Variants in ADARB2 observed in about 807,000 individuals in gnomAD.
The protein encoded by ADARB2 is inactive double-stranded RNA-specific editase B2.
A neutral mutation model predicts 62.2 loss-of-function variants in ADARB2; 25 were observed. The observed-to-expected ratio is 0.40, with a 90% CI of 0.29 to 0.56. ADARB2 has a LOEUF of 0.56. Among genes scored for constraint, ADARB2 ranks in the 20% least tolerant of loss-of-function variants. ADARB2 has a pLI of 0.43. For missense variants in ADARB2, 1,071 were observed against 1,077.4 expected (o/e 0.99, Z 0.08); for synonymous variants, 572 against 500.8 (o/e 1.14, Z -1.90).
At chr10:1,407,622 G>C (rs1832718151) in intron 1 of ADARB2, among the ~76,000 whole-genome samples, 1 of 152,180 alleles carries the variant, frequency 6.6e-6, no homozygotes, top group South Asian at 2.1e-4. Flanking sequence ...CCTTCCTCGG[G>C]GCATAGTCCT....
chr10:1,444,313 T>C (rs116861097), intron 1 of ADARB2, among the ~76,000 whole-genome samples: 20,379 of 70,270 alleles, frequency 0.29, 2,039 homozygotes, highest in East Asian at 0.4. Flanking sequence ...ATCCATCCAC[T>C]CATTCATCCT....
At chr10:1,395,534 G>A (rs945961966) in intron 1 of ADARB2, among the ~76,000 whole-genome samples, 2 of 152,202 alleles carry the variant, frequency 1.3e-5, no homozygotes, top group Admixed American at 6.5e-5. Context: ...GTGATGGGCC[G>A]CCAGGCACTT....
At chr10:1,608,318 G>A (rs75319475) in intron 1 of ADARB2, among the ~76,000 whole-genome samples, 2,355 of 152,272 alleles carry the variant, frequency 0.015, 55 homozygotes, top group African/African-American at 0.054. Flanking sequence ...GAGACGCAGC[G>A]TGCCTGTGCT....
intron 1 of ADARB2, among the ~76,000 whole-genome samples, chr10:1,497,624 A>G (rs1419482149): frequency 6.6e-6 from 1 of 152,250 alleles, no homozygotes; most frequent in African/African-American, 2.4e-5. Context: ...CACAGGCACA[A>G]GCATCAGTTA....
intron 3 of ADARB2, among the ~76,000 whole-genome samples, chr10:1,359,070 C>A (rs1832224713): frequency 6.6e-6 from 1 of 152,150 alleles, no homozygotes. Flanking sequence ...GTGATTTTAT[C>A]ATTTTTTATG....
intron 1 of ADARB2, among the ~76,000 whole-genome samples, chr10:1,587,448 G>T (rs1588313252): frequency 6.6e-6 from 1 of 152,146 alleles, no homozygotes; most frequent in African/African-American, 2.4e-5. Context: ...CACTCCTTCA[G>T]CAGGGTGTAT....
intron 1 of ADARB2, among the ~76,000 whole-genome samples, chr10:1,710,883 A>G (rs1185261874): frequency 6.6e-6 from 1 of 151,714 alleles, no homozygotes; most frequent in Admixed American, 6.6e-5. Flanking sequence ...CAGCTTTGAT[A>G]CCTCCACAGA....
At chr10:1,673,622 G>C (rs545371691) in intron 1 of ADARB2, among the ~76,000 whole-genome samples, 1 of 152,338 alleles carries the variant, frequency 6.6e-6, no homozygotes, top group Non-Finnish European at 1.5e-5. Context: ...CAGGATGAGA[G>C]TGTGAAAAAT....
rs1000432609 is a variant in ADARB2 at position 1,678,881 on chromosome 10, C to T, written c.100+58170G>A. 6.6e-5 allele frequency among the ~76,000 whole-genome samples: 10 copies of T among 152,154 alleles called. No individual in the cohort carries two copies. In the East Asian group the frequency reaches 9.7e-4, roughly 15 times the overall value. ...TGCTGCCTGGGGTTGTCTTGCCCACCAGGTAAGACATGTCCTAGCACAGAG... is the reference window on the plus strand; with the variant it reads ...TGCTGCCTGGGGTTGTCTTGCCCACTAGGTAAGACATGTCCTAGCACAGAG... On this transcript the variant is annotated intron_variant, in intron 1 of 9. Coordinates refer to ENST00000381312, the MANE Select transcript of ADARB2 (RefSeq NM_018702.4).
chr10:1,314,933 C>A (rs12765310), intron 3 of ADARB2, among the ~76,000 whole-genome samples: 34,835 of 152,124 alleles, frequency 0.23, 4,854 homozygotes, highest in Middle Eastern at 0.37. Flanking sequence ...ATTTTATTAT[C>A]CTAATGGGAA....
intron 3 of ADARB2, among the ~76,000 whole-genome samples, chr10:1,332,882 T>TA (rs1306237189): frequency 1.3e-5 from 2 of 152,268 alleles, no homozygotes; most frequent in African/African-American, 4.8e-5. Flanking sequence ...GAAGCAGAGT[T>TA]ACCGTTTTCC....
At position 1,182,913 on chromosome 10, in the gene ADARB2, T is replaced by A; in HGVS notation, c.*280A>T. The A allele has an allele frequency of 2.6e-6, 1 of 385,060 alleles. No homozygotes were observed. The highest frequency in any genetic ancestry group is 4.8e-6 in the Non-Finnish European group (1 of 210,526). 23.9% of individuals were successfully genotyped at this position (385,060 alleles called of 1,614,324 possible). ...AGGCTGCAGCTAAAACCCCTTTGCCTGAATGGAGCCCCTCCCTCAGACTCC... is the reference window on the plus strand; with the variant it reads ...AGGCTGCAGCTAAAACCCCTTTGCCAGAATGGAGCCCCTCCCTCAGACTCC... On this transcript the variant is annotated 3_prime_UTR_variant, in exon 10 of 10. Coordinates refer to ENST00000381312, the MANE Select transcript of ADARB2 (RefSeq NM_018702.4).
In ADARB2 at chr10:1,426,228, G is replaced by A. The variant is rs534357298; in HGVS notation, c.101-47068C>T. On this transcript the variant is annotated intron_variant, in intron 1 of 9. Coordinates refer to ENST00000381312, the MANE Select transcript of ADARB2 (RefSeq NM_018702.4). This position sits in a 1 kb window ranked among gnomAD's most constrained non-coding sequence, Gnocchi z 4.1. ...CTGGTGAGAGGTGAGGCCAAGCAAT[G>A]CAGCACACAGATGAGCTCTGCAGTG... is the stretch of plus-strand genomic sequence containing the variant. Among the ~76,000 whole-genome samples, 1 of 152,156 alleles carries A rather than the reference G, an allele frequency of 6.6e-6. No homozygotes were observed. The highest frequency in any genetic ancestry group is 6.5e-5 in the Admixed American group (1 of 15,278).
chr10:1,703,575 C>T (rs1308253562), intron 1 of ADARB2, among the ~76,000 whole-genome samples: 1 of 152,114 alleles, frequency 6.6e-6, no homozygotes, highest in Non-Finnish European at 1.5e-5. Flanking sequence ...TCACATCTCC[C>T]TTAAAAATAG....
chr10:1,377,106 C>G (rs1383721314), intron 2 of ADARB2, among the ~76,000 whole-genome samples: 8 of 121,318 alleles, frequency 6.6e-5, no homozygotes, highest in Non-Finnish European at 1.0e-4. Flanking sequence ...GTGTGCACCC[C>G]TGGGATGTGT....
At chr10:1,537,924 A>G (rs1290599332) in intron 1 of ADARB2, among the ~76,000 whole-genome samples, 1 of 152,232 alleles carries the variant, frequency 6.6e-6, no homozygotes, top group Non-Finnish European at 1.5e-5. Context: ...GCACATGTAT[A>G]CCTATGTAAC....
chr10:1,461,815 C>T (rs548811958), intron 1 of ADARB2, among the ~76,000 whole-genome samples: 1 of 152,238 alleles, frequency 6.6e-6, no homozygotes, highest in African/African-American at 2.4e-5. Context: ...TCCTGGCCAA[C>T]ATGGTGAAAC....
chr10:1,609,340 G>A (rs950087111), intron 1 of ADARB2, among the ~76,000 whole-genome samples: 4 of 152,330 alleles, frequency 2.6e-5, no homozygotes, highest in East Asian at 1.9e-4. Context: ...TGGTCACAGC[G>A]GGTTTGTCTC....
At chr10:1,667,817 C>A (rs1460114699) in intron 1 of ADARB2, among the ~76,000 whole-genome samples, 14 of 152,186 alleles carry the variant, frequency 9.2e-5, no homozygotes. Context: ...TGTATTAATT[C>A]TCTTTGTGAA....
Sources: gnomAD v4.1 joint callset for allele counts (sites outside exome capture counted in the v4.1 genomes callset) on GRCh38, gnomAD v4.1.1 for gene constraint, Gnocchi (gnomAD v3.1) non-coding constraint, MANE v1.5 for transcripts, NCBI Gene and HGNC (gene_info 2026-07-23, HGNC 2026-07-21) for gene names.